Variants in SPAG16 observed in about 807,000 individuals in gnomAD.
SPAG16 encodes the protein sperm-associated antigen 16 protein.
In SPAG16, 86 loss-of-function variants were observed where a neutral mutation model predicts 80.4. That is an observed-to-expected ratio of 1.07 (90% confidence interval 0.90 to 1.28). The LOEUF (loss-of-function observed/expected upper bound fraction) is 1.28, where lower values mean the gene tolerates loss of function less well. Ranked by LOEUF, SPAG16 falls within the 50% of genes most tolerant of loss-of-function variation. The pLI, the probability that SPAG16 is intolerant of heterozygous loss-of-function variation, is 0.00. For missense variants in SPAG16, 870 were observed against 765.3 expected (o/e 1.14, Z -1.61); for synonymous variants, 294 against 265.9 (o/e 1.11, Z -1.03).
chr2:214,304,449 A>T (rs1417918821), intron 15 of SPAG16, among the ~76,000 whole-genome samples: 1 of 152,238 alleles, frequency 6.6e-6, no homozygotes, highest in Non-Finnish European at 1.5e-5. Context: ...TGCTGCAGAT[A>T]ACTAGCTCAA....
chr2:213,614,019 G>T (rs1417937199), intron 10 of SPAG16, among the ~76,000 whole-genome samples: 1 of 152,198 alleles, frequency 6.6e-6, no homozygotes, highest in Non-Finnish European at 1.5e-5. Context: ...GAACAGGATA[G>T]CAATCCACTC....
intron 10 of SPAG16, among the ~76,000 whole-genome samples, chr2:213,693,030 C>G (rs749797105): frequency 6.6e-6 from 1 of 152,138 alleles, no homozygotes; most frequent in African/African-American, 2.4e-5. Flanking sequence ...ACAAAAGAAT[C>G]ATCAATGTTT....
intron 15 of SPAG16, among the ~76,000 whole-genome samples, chr2:214,216,939 TA>T (rs2058446969): frequency 6.6e-6 from 1 of 152,236 alleles, no homozygotes; most frequent in South Asian, 2.1e-4. Flanking sequence ...AAGATATTAA[TA>T]TATAAAACTA....
chr2:213,739,789 G>T (rs1574996940), intron 10 of SPAG16, among the ~76,000 whole-genome samples: 2 of 152,028 alleles, frequency 1.3e-5, no homozygotes, highest in African/African-American at 4.8e-5. Context: ...TTTAGTAGAG[G>T]TGGGGTTTTA....
At chr2:214,308,822 G>GT (rs1012567942) in intron 15 of SPAG16, among the ~76,000 whole-genome samples, 9 of 151,882 alleles carry the variant, frequency 5.9e-5, no homozygotes, top group African/African-American at 1.9e-4. Flanking sequence ...TTAACATTTT[G>GT]TTTTTTTATT....
chr2:214,196,602 A>G (rs965546496), intron 15 of SPAG16, among the ~76,000 whole-genome samples: 2 of 152,210 alleles, frequency 1.3e-5, no homozygotes, highest in African/African-American at 4.8e-5. Context: ...GTGCTCAGAA[A>G]CTGCAAAGAA....
At chr2:214,101,442 C>T (rs2053022985) in intron 13 of SPAG16, among the ~76,000 whole-genome samples, 1 of 151,950 alleles carries the variant, frequency 6.6e-6, no homozygotes, top group Non-Finnish European at 1.5e-5. Flanking sequence ...GGAAAAGGGA[C>T]TCCTGGAGGG....
At chr2:214,021,432 G>T (rs2047860821) in intron 13 of SPAG16, among the ~76,000 whole-genome samples, 1 of 152,144 alleles carries the variant, frequency 6.6e-6, no homozygotes, top group Admixed American at 6.6e-5. Flanking sequence ...TGGCAAGAAA[G>T]AGACGCTTGT....
At chr2:213,915,861 C>T (rs191779348) in intron 11 of SPAG16, among the ~76,000 whole-genome samples, 297 of 152,276 alleles carry the variant, frequency 2.0e-3, no homozygotes, top group African/African-American at 6.9e-3. Flanking sequence ...TTGCATTTCT[C>T]TAATGACCAG....
intron 15 of SPAG16, among the ~76,000 whole-genome samples, chr2:214,210,839 G>GCACA (rs58316951): frequency 1.2e-4 from 18 of 149,512 alleles, no homozygotes; most frequent in African/African-American, 4.2e-4. Context: ...ATGCGCGCGC[G>GCACA]CACACACACA....
chr2:213,576,191 A>G (rs1180685935), intron 10 of SPAG16, among the ~76,000 whole-genome samples: 1 of 152,072 alleles, frequency 6.6e-6, no homozygotes, highest in African/African-American at 2.4e-5. Flanking sequence ...TCCATTCCCC[A>G]TTGCTTGTTT....
At chr2:214,405,997 C>T (rs1475718899) in intron 15 of SPAG16, among the ~76,000 whole-genome samples, 2 of 152,092 alleles carry the variant, frequency 1.3e-5, no homozygotes, top group Non-Finnish European at 2.9e-5. Context: ...GGGCTCAAAC[C>T]CTTTCTATTT....
intron 10 of SPAG16, among the ~76,000 whole-genome samples, chr2:213,513,105 TGTCACG>T (rs1182486849): frequency 6.6e-6 from 1 of 152,234 alleles, no homozygotes; most frequent in Non-Finnish European, 1.5e-5. Flanking sequence ...TCTTTTCCAC[TGTCACG>T]TGTGTATGTA....
At chr2:214,139,008 A>G (rs2055208727) in intron 14 of SPAG16, among the ~76,000 whole-genome samples, 1 of 152,118 alleles carries the variant, frequency 6.6e-6, no homozygotes, top group Non-Finnish European at 1.5e-5. Context: ...TCCAAATAAA[A>G]CACTGTTTGA....
At chr2:213,685,152 G>C (rs2125275024) in intron 10 of SPAG16, among the ~76,000 whole-genome samples, 1 of 152,298 alleles carries the variant, frequency 6.6e-6, no homozygotes, top group African/African-American at 2.4e-5. Context: ...ACTGTTATGG[G>C]TTGCATTATG....
chr2:213,389,287 A>G (rs558001055), intron 9 of SPAG16, among the ~76,000 whole-genome samples: 1 of 152,286 alleles, frequency 6.6e-6, no homozygotes, highest in African/African-American at 2.4e-5. Context: ...AGACCTAAAT[A>G]TAAGACACAA....
rs139580026 is a variant in SPAG16, at chr2:213,742,442, A to G, written c.1071-120043A>G. On this transcript the variant is annotated intron_variant, in intron 10 of 15. Transcript: ENST00000331683. ...TATTGTTCTGTTCAATTACTAGTTT[A>G]TAAATTTACTCACGTATTTACCATA... Among the ~76,000 whole-genome samples, 16 of 152,196 alleles carry G rather than the reference A, an allele frequency of 1.1e-4. No homozygotes were observed. The East Asian group carries it at 3.1e-3, about 29-fold the overall frequency.
chr2:213,972,872 T>A (rs577576087), intron 12 of SPAG16, among the ~76,000 whole-genome samples: 274 of 152,308 alleles, frequency 1.8e-3, no homozygotes, highest in African/African-American at 6.4e-3. Flanking sequence ...ACTCTGTGGG[T>A]TGTGTTTTCA....
chr2:213,820,702 A>G (rs1193455748), intron 10 of SPAG16, among the ~76,000 whole-genome samples: 1 of 152,072 alleles, frequency 6.6e-6, no homozygotes, highest in Non-Finnish European at 1.5e-5. Context: ...ATTCTATCCC[A>G]TCAGAGATAT....
Sources: gnomAD v4.1 joint callset for allele counts (sites outside exome capture counted in the v4.1 genomes callset) on GRCh38, gnomAD v4.1.1 for gene constraint, MANE v1.5 for transcripts, NCBI Gene and HGNC (gene_info 2026-07-23, HGNC 2026-07-21) for gene names.